PRDM16: variants seen among roughly 807,000 people sequenced by gnomAD.
The protein encoded by PRDM16 is histone-lysine N-methyltransferase PRDM16.
In PRDM16, 23 loss-of-function variants were observed where a neutral mutation model predicts 110.6. The observed-to-expected ratio is 0.21, with a 90% CI of 0.15 to 0.29. PRDM16 has a LOEUF of 0.29. PRDM16 is among the 10% of genes least tolerant of loss of function. The pLI is 1.00. For synonymous variants in PRDM16, 799 were observed against 781.8 expected (o/e 1.02, Z -0.37); for missense variants, 1,615 against 1,794.3 (o/e 0.90, Z 1.81).
intron 12 of PRDM16, among the ~76,000 whole-genome samples, chr1:3,420,320 G>C (rs1406647009): frequency 1.3e-5 from 2 of 152,196 alleles, no homozygotes; most frequent in Admixed American, 6.5e-5. Flanking sequence ...TAAATTGGAG[G>C]AGGGAAAGTG....
At chr1:3,373,480 C>T (rs1234575743) in intron 3 of PRDM16, among the ~76,000 whole-genome samples, 1 of 152,214 alleles carries the variant, frequency 6.6e-6, no homozygotes, top group East Asian at 1.9e-4. Flanking sequence ...CAGGTTCAGG[C>T]TCAGCGCCCC....
chr1:3,301,158 C>A (rs1641199027), intron 3 of PRDM16, among the ~76,000 whole-genome samples: 1 of 151,998 alleles, frequency 6.6e-6, no homozygotes, highest in African/African-American at 2.4e-5. Context: ...TAGCAAGACC[C>A]TGTCTCTACA....
At chr1:3,118,251 A>T (rs951159445) in intron 1 of PRDM16, among the ~76,000 whole-genome samples, 2 of 152,194 alleles carry the variant, frequency 1.3e-5, no homozygotes, top group African/African-American at 4.8e-5. Context: ...ACACGCACAG[A>T]GCTATCCCCA....
chr1:3,322,936 C>G (rs1641794939), intron 3 of PRDM16, among the ~76,000 whole-genome samples: 1 of 152,200 alleles, frequency 6.6e-6, no homozygotes, highest in Non-Finnish European at 1.5e-5. Context: ...GTGATCCGGC[C>G]TCTTCTAATC....
At chr1:3,323,529 C>T (rs974764748) in intron 3 of PRDM16, among the ~76,000 whole-genome samples, 5 of 152,210 alleles carry the variant, frequency 3.3e-5, no homozygotes, top group African/African-American at 9.6e-5. Context: ...GGGGAGACAG[C>T]GGAGGGAGGA....
rs200286289 is a variant in PRDM16, at chr1:3,165,241, T to G, written c.38-20884T>G. On this transcript the variant is annotated intron_variant, in intron 1 of 16. Transcript: ENST00000270722. ...TGGACTCACCTGGGCTCAGGGACAG[T>G]GACTTACCTGGGCTCAGGGACAGGG... 3.2e-4 allele frequency among the ~76,000 whole-genome samples: 42 copies of G among 129,584 alleles called. No homozygotes were observed. The East Asian group carries it at 3.3e-3, about 10-fold the overall frequency. 85.0% of individuals were successfully genotyped at this position (129,584 alleles called of 152,430 possible).
chr1:3,376,874 A>G (rs1050924561), intron 3 of PRDM16, among the ~76,000 whole-genome samples: 1 of 151,882 alleles, frequency 6.6e-6, no homozygotes, highest in Non-Finnish European at 1.5e-5. Context: ...CACCAGCCAC[A>G]TTTCTCATTA....
At chr1:3,242,900 C>T (rs756905533) in intron 2 of PRDM16, among the ~76,000 whole-genome samples, 2 of 152,236 alleles carry the variant, frequency 1.3e-5, no homozygotes, top group Middle Eastern at 3.2e-3. Flanking sequence ...TATACTCGAC[C>T]GTGCATGGCC....
At chr1:3,194,909 T>C (rs1462941528) in intron 2 of PRDM16, among the ~76,000 whole-genome samples, 1 of 152,248 alleles carries the variant, frequency 6.6e-6, no homozygotes, top group African/African-American at 2.4e-5. Context: ...GGCCTGGCTC[T>C]GGGCACCTCT....
At chr1:3,415,471 C>T (rs999308874) in intron 10 of PRDM16, among the ~76,000 whole-genome samples, 14 of 152,394 alleles carry the variant, frequency 9.2e-5, no homozygotes, top group Middle Eastern at 3.4e-3. Flanking sequence ...GTGAAACCTG[C>T]GCCCAGGCTG....
chr1:3,271,874 TC>T (rs1640463997), intron 3 of PRDM16, among the ~76,000 whole-genome samples: 1 of 152,138 alleles, frequency 6.6e-6, no homozygotes, highest in Non-Finnish European at 1.5e-5. Context: ...TGGGGATGTC[TC>T]CCCACTACCA....
At chr1:3,275,950 G>A (rs1322223348) in intron 3 of PRDM16, among the ~76,000 whole-genome samples, 2 of 152,212 alleles carry the variant, frequency 1.3e-5, no homozygotes, top group African/African-American at 2.4e-5. Context: ...ACCCAGCTGC[G>A]CCCTGTGGGT....
At chr1:3,427,131 G>A (rs551027189) in intron 14 of PRDM16, among the ~76,000 whole-genome samples, 7 of 152,354 alleles carry the variant, frequency 4.6e-5, no homozygotes, top group East Asian at 3.9e-4. Flanking sequence ...GCAGCAGAAC[G>A]ATGGTGGAAT....
At chr1:3,108,080 T>C (rs1642707927) in intron 1 of PRDM16, among the ~76,000 whole-genome samples, 1 of 152,240 alleles carries the variant, frequency 6.6e-6, no homozygotes, top group Non-Finnish European at 1.5e-5. Flanking sequence ...GAGCTCTTAT[T>C]ATCTCAGTTC....
chr1:3,404,155 T>C (rs1643519981), intron 6 of PRDM16, among the ~76,000 whole-genome samples: 1 of 152,166 alleles, frequency 6.6e-6, no homozygotes, highest in Non-Finnish European at 1.5e-5. Context: ...TTAACGGTCA[T>C]CCCTGGGACA....
intron 1 of PRDM16, among the ~76,000 whole-genome samples, chr1:3,184,089 G>C (rs188019483): frequency 2.0e-5 from 3 of 152,176 alleles, no homozygotes; most frequent in Admixed American, 6.5e-5. Flanking sequence ...AGGTCTTTAG[G>C]GGGGAGGAAC....
chr1:3,378,587 C>T (rs941778313), intron 3 of PRDM16, among the ~76,000 whole-genome samples: 2 of 152,132 alleles, frequency 1.3e-5, no homozygotes, highest in Non-Finnish European at 2.9e-5. Flanking sequence ...CATGGGGCAG[C>T]AACACCGTAC....
intron 3 of PRDM16, among the ~76,000 whole-genome samples, chr1:3,258,259 T>C (rs1023954671): frequency 2.6e-5 from 4 of 152,222 alleles, no homozygotes; most frequent in African/African-American, 9.6e-5. Context: ...CTCAGGGCTA[T>C]TCCTCTTCTC....
intron 1 of PRDM16, among the ~76,000 whole-genome samples, chr1:3,168,797 C>T (rs1643991635): frequency 6.6e-6 from 1 of 152,180 alleles, no homozygotes. Context: ...AGTGCTCTGC[C>T]AACATCATTT....
Sources: allele counts gnomAD v4.1 joint callset (sites outside exome capture counted in the v4.1 genomes callset), GRCh38; gene constraint gnomAD v4.1.1; transcripts MANE v1.5; gene names NCBI Gene and HGNC (gene_info 2026-07-23, HGNC 2026-07-21).